Variants in PTPN4 observed in about 807,000 individuals in gnomAD.
The protein encoded by PTPN4 is protein tyrosine phosphatase non-receptor type 4.
A neutral mutation model predicts 135.5 loss-of-function variants in PTPN4; 49 were observed. The ratio of observed to expected loss-of-function variants is 0.36; its 90% CI spans 0.29 to 0.46. PTPN4 has a LOEUF of 0.46. Among genes scored for constraint, PTPN4 ranks in the 20% least tolerant of loss-of-function variants. PTPN4 has a pLI of 1.00. For missense variants in PTPN4, 860 were observed against 1,101.0 expected (o/e 0.78, Z 3.10); for synonymous variants, 333 against 369.9 (o/e 0.90, Z 1.14).
chr2:119,935,013 T>A, intron 15 of PTPN4, 55 bp downstream of exon 15: 1 of 1,501,792 alleles, frequency 6.7e-7, no homozygotes, highest in Non-Finnish European at 9.1e-7. Context: ...CAAATTGCTT[T>A]ACTTAAAATA....
chr2:119,782,930 A>G (rs886892412), intron 1 of PTPN4, among the ~76,000 whole-genome samples: 2 of 149,710 alleles, frequency 1.3e-5, no homozygotes, highest in Non-Finnish European at 3.0e-5. Flanking sequence ...CTGGTCTTCA[A>G]CTCCTGGGCT....
At chr2:119,879,479 G>C (rs1168355924) in intron 5 of PTPN4, among the ~76,000 whole-genome samples, 1 of 152,162 alleles carries the variant, frequency 6.6e-6, no homozygotes, top group African/African-American at 2.4e-5. Flanking sequence ...TACTACCATA[G>C]TGTATATCAG....
At chr2:119,788,251 G>A (rs1691080617) in intron 1 of PTPN4, among the ~76,000 whole-genome samples, 1 of 152,072 alleles carries the variant, frequency 6.6e-6, no homozygotes, top group Non-Finnish European at 1.5e-5. Context: ...ATCCAATTGA[G>A]TGTATTTATT....
intron 1 of PTPN4, among the ~76,000 whole-genome samples, chr2:119,808,037 A>G (rs1691511259): frequency 6.6e-6 from 1 of 152,240 alleles, no homozygotes; most frequent in African/African-American, 2.4e-5. Context: ...CTTTCATGCT[A>G]AAAACTTTCA....
At chr2:119,944,823 G>GGC (rs1679109702) in intron 15 of PTPN4, among the ~76,000 whole-genome samples, 1 of 151,928 alleles carries the variant, frequency 6.6e-6, no homozygotes, top group Non-Finnish European at 1.5e-5. Flanking sequence ...TGTTTACTTT[G>GGC]TTATAATAGA....
intron 9 of PTPN4, among the ~76,000 whole-genome samples, chr2:119,888,688 G>C (rs572532519): frequency 6.6e-6 from 1 of 152,212 alleles, no homozygotes; most frequent in Non-Finnish European, 1.5e-5. Context: ...GTATCTGATT[G>C]TGGTGTATTA....
chr2:119,903,548 C>A (rs920734580), intron 10 of PTPN4, among the ~76,000 whole-genome samples: 1 of 141,006 alleles, frequency 7.1e-6, no homozygotes, highest in African/African-American at 2.8e-5. Flanking sequence ...GCCATACCTG[C>A]AGCTGCTGAC....
At chr2:119,845,207 G>GGCTCCGCATGAGAGGGAGACC in intron 2 of PTPN4, among the ~76,000 whole-genome samples, 1 of 138,800 alleles carries the variant, frequency 7.2e-6, no homozygotes, top group Admixed American at 7.3e-5. Flanking sequence ...GTCCAGCTTC[G>GGCTCCGCATGAGAGGGAGACC]GCTCCGCATG....
chr2:119,910,658 C>G (rs967036832), intron 10 of PTPN4, among the ~76,000 whole-genome samples: 1 of 152,136 alleles, frequency 6.6e-6, no homozygotes, highest in Non-Finnish European at 1.5e-5. Flanking sequence ...ATTGTGTTCT[C>G]ATGATAATGA....
chr2:119,832,466 G>A (rs1054067479), intron 2 of PTPN4, among the ~76,000 whole-genome samples: 2 of 151,678 alleles, frequency 1.3e-5, no homozygotes, highest in Admixed American at 6.6e-5. Flanking sequence ...TTCATACTGT[G>A]GGATCTTTTT....
Position 119,824,550 on chromosome 2 carries a change from A to G in PTPN4, c.138+14559A>G, listed in dbSNP as rs1223221049. ...AGTAGCATTGAAGTCTTCAAGTATA[A>G]TTGTGCATTTATCTATTTCTTTCAG... is the stretch of plus-strand genomic sequence containing the variant. On this transcript the variant is annotated intron_variant, in intron 2 of 26. Coordinates refer to ENST00000263708, the MANE Select transcript of PTPN4 (RefSeq NM_002830.4). Among the ~76,000 whole-genome samples the G allele has an allele frequency of 2.6e-5, 4 of 151,990 alleles. No individual in the cohort carries two copies. The East Asian group carries it at 7.7e-4, about 29-fold the overall frequency.
chr2:119,787,457 A>T (rs1691066339), intron 1 of PTPN4, among the ~76,000 whole-genome samples: 1 of 152,170 alleles, frequency 6.6e-6, no homozygotes, highest in African/African-American at 2.4e-5. Context: ...ACTAATAGTG[A>T]TACTGCTATT....
intron 6 of PTPN4, 62 bp downstream of exon 6, chr2:119,881,892 C>A: frequency 1.5e-6 from 2 of 1,295,738 alleles, no homozygotes; most frequent in Non-Finnish European, 2.2e-6. Context: ...CTTTTTAAAT[C>A]TGTGTTAAGT....
intron 2 of PTPN4, among the ~76,000 whole-genome samples, chr2:119,827,790 A>T (rs1677166146): frequency 6.6e-6 from 1 of 152,182 alleles, no homozygotes; most frequent in Non-Finnish European, 1.5e-5. Context: ...GTTAAACTAT[A>T]TGAGATTGTG....
intron 1 of PTPN4, 35 bp from the exon 2 acceptor site, chr2:119,809,802 C>A: frequency 3.3e-6 from 5 of 1,513,926 alleles, no homozygotes; most frequent in Admixed American, 2.3e-5. Context: ...TTTTACGAAC[C>A]TTTTATTTAG....
At chr2:119,932,115 A>C (rs1194059262) in intron 13 of PTPN4, among the ~76,000 whole-genome samples, 37 of 152,166 alleles carry the variant, frequency 2.4e-4, no homozygotes, top group Non-Finnish European at 4.4e-5. Flanking sequence ...ATCTGAGAAA[A>C]CATTTGGTAG....
intron 2 of PTPN4, among the ~76,000 whole-genome samples, chr2:119,847,695 A>G (rs572509419): frequency 6.6e-6 from 1 of 152,240 alleles, no homozygotes; most frequent in Middle Eastern, 3.4e-3. Context: ...GTAAATTCAT[A>G]TCACTGTCTG....
chr2:119,969,373 C>G (rs538455836), intron 26 of PTPN4, among the ~76,000 whole-genome samples: 1 of 152,058 alleles, frequency 6.6e-6, no homozygotes, highest in South Asian at 2.1e-4. Flanking sequence ...TGTTTATACT[C>G]AGATCCCACA....
chr2:119,953,164 G>A (rs1679233499), intron 19 of PTPN4, among the ~76,000 whole-genome samples: 2 of 151,922 alleles, frequency 1.3e-5, no homozygotes, highest in Non-Finnish European at 2.9e-5. Context: ...AATATCCCAG[G>A]ATTAGACATA....
Sources: gnomAD v4.1 joint callset for allele counts (sites outside exome capture counted in the v4.1 genomes callset) on GRCh38, gnomAD v4.1.1 for gene constraint, MANE v1.5 for transcripts, NCBI Gene and HGNC (gene_info 2026-07-23, HGNC 2026-07-21) for gene names.